USP42: variants seen among roughly 807,000 people sequenced by gnomAD.
The protein encoded by USP42 is ubiquitin specific peptidase 42.
In USP42, 23 loss-of-function variants were observed where a neutral mutation model predicts 113.0. The ratio of observed to expected loss-of-function variants is 0.20; its 90% CI spans 0.15 to 0.29. The LOEUF (loss-of-function observed/expected upper bound fraction) is 0.29. USP42 is among the 10% of genes least tolerant of loss of function. The probability of loss-of-function intolerance (pLI) is 1.00; values close to 1 mark genes in which losing one functional copy is unlikely to be tolerated. For synonymous variants in USP42, 933 were observed against 699.0 expected, an observed-to-expected ratio of 1.33 and a Z score of -5.28; for missense variants, 2,174 against 1,779.8, an observed-to-expected ratio of 1.22 and a Z score of -3.99.
intron 7 of USP42, among the ~76,000 whole-genome samples, chr7:6,142,709 C>A (rs766818114): frequency 2.0e-4 from 31 of 152,078 alleles, no homozygotes; most frequent in Non-Finnish European, 3.5e-4. Flanking sequence ...TATAGTGAGA[C>A]CCCTGTCTCT....
the USP42 span, among the ~76,000 whole-genome samples, chr7:6,099,469 C>A: frequency 4.0e-5 from 6 of 150,390 alleles, 1 homozygote; most frequent in African/African-American, 1.2e-4. Context: ...CCGCCTCGGC[C>A]TCCCAAAGTG....
intron 3 of USP42, 140 bp from the exon 4 acceptor site, chr7:6,135,701 T>C (rs914275752): frequency 1.9e-5 from 5 of 270,186 alleles, no homozygotes; most frequent in Admixed American, 6.3e-5. Context: ...TAAATGAAAA[T>C]GCATAAAAGT....
chr7:6,149,510 T>C (rs1279758763), intron 12 of USP42, 73 bp from the exon 13 acceptor site: 2 of 1,503,208 alleles, frequency 1.3e-6, no homozygotes, highest in African/African-American at 2.8e-5. Flanking sequence ...GAAGGACCCA[T>C]CAGCCAAAAT....
chr7:6,112,363 C>T (rs185892823), intron 2 of USP42, among the ~76,000 whole-genome samples: 1 of 151,890 alleles, frequency 6.6e-6, no homozygotes, highest in African/African-American at 2.4e-5. Context: ...GCAGGAGAAT[C>T]GCATGAACCT....
At position 6,153,967 on chromosome 7, in the gene USP42, G is replaced by A; in HGVS notation, c.2413G>A (p.Ala805Thr). Residue 805 changes from alanine to threonine, a missense_variant, in exon 15 of 18, where the codon GCC becomes ACC. Coordinates refer to ENST00000306177, the MANE Select transcript of USP42 (RefSeq NM_032172.3). ...AVAPEEPPPS[A>T]GEDIVGDTAP... Reference sequence around the variant, plus strand: ...CGCCCCCGAGGAGCCTCCGCCCAGCGCCGGCGAGGACATCGTGGGGGACAC... The same window carrying A: ...CGCCCCCGAGGAGCCTCCGCCCAGCACCGGCGAGGACATCGTGGGGGACAC... The A allele has an allele frequency of 1.9e-6, 3 of 1,595,722 alleles. No individual in the cohort carries two copies. The highest frequency in any genetic ancestry group is 2.6e-6 in the Non-Finnish European group (3 of 1,173,444).
intron 3 of USP42, among the ~76,000 whole-genome samples, chr7:6,133,963 T>C (rs1780993556): frequency 6.6e-6 from 1 of 150,500 alleles, no homozygotes; most frequent in African/African-American, 2.5e-5. Context: ...CCATCTCAGC[T>C]CACTGCAAGC....
intron 2 of USP42, among the ~76,000 whole-genome samples, chr7:6,112,935 G>A (rs1435384602): frequency 3.1e-5 from 4 of 128,846 alleles, no homozygotes; most frequent in Non-Finnish European, 4.6e-5. Flanking sequence ...ACAGAGTCTC[G>A]CTCTGTCGCC....
At position 6,150,005 on chromosome 7, in the gene USP42, G is replaced by A. The variant is rs763808328; in HGVS notation, c.1809G>A (p.Val603=). The A allele has an allele frequency of 1.1e-5, 18 of 1,613,426 alleles. No homozygotes were observed. The South Asian group carries it at 1.5e-4, about 14-fold the overall frequency. The change falls in exon 13 of 18, where the codon GTG becomes GTA. Residue 603 remains valine, a synonymous_variant. Coordinates refer to ENST00000306177, the MANE Select transcript of USP42 (RefSeq NM_032172.3). ...MNGKSKLNSS[V]LVPYGAESSE... is the part of the protein sequence containing the mutation. ...GCAAATCCAAGCTGAACTCCAGCGT[G>A]CTGGTGCCCTATGGCGCCGAGTCCT...
chr7:6,116,046 G>C (rs1374473872), intron 3 of USP42, among the ~76,000 whole-genome samples: 1 of 151,074 alleles, frequency 6.6e-6, no homozygotes, highest in African/African-American at 2.4e-5. Flanking sequence ...TGAGACTGCA[G>C]TGAGCTGTGA....
At chr7:6,086,510 G>A in the USP42 span, among the ~76,000 whole-genome samples, 14 of 150,652 alleles carry the variant, frequency 9.3e-5, no homozygotes, top group East Asian at 1.2e-3. Context: ...CAGCCTAGCC[G>A]GGCTAATTTT....
At chr7:6,138,360 G>C (rs967033654) in intron 4 of USP42, among the ~76,000 whole-genome samples, 5 of 152,160 alleles carry the variant, frequency 3.3e-5, no homozygotes, top group Non-Finnish European at 7.3e-5. Context: ...AGGTCATTGG[G>C]ATAGAATTAG....
At chr7:6,097,386 C>CTTTTT in the USP42 span, among the ~76,000 whole-genome samples, 2 of 108,444 alleles carry the variant, frequency 1.8e-5, no homozygotes, top group African/African-American at 3.7e-5. Context: ...CCTGTGGGTC[C>CTTTTT]TTTTTTTTTT....
At chr7:6,099,764 A>T in the USP42 span, among the ~76,000 whole-genome samples, 3 of 150,716 alleles carry the variant, frequency 2.0e-5, no homozygotes, top group African/African-American at 7.5e-5. Flanking sequence ...GGATTTCAAG[A>T]GCAGCCTTGC....
rs917510815 is a variant in USP42 at position 6,159,894 on chromosome 7, C to T, written c.*36+401C>T. Among the ~76,000 whole-genome samples the T allele has an allele frequency of 1.3e-5, 2 of 152,200 alleles. No homozygotes were observed. The highest frequency in any genetic ancestry group is 2.9e-5 in the Non-Finnish European group (2 of 68,032). On this transcript the variant is annotated intron_variant, in intron 17 of 17. Coordinates refer to ENST00000306177, the MANE Select transcript of USP42 (RefSeq NM_032172.3). This position sits in a 1 kb window ranked among gnomAD's most constrained non-coding sequence, Gnocchi z 4.1. ...GAGAGCGGAGCCTTGCTCCCTCGTC[C>T]GTCCCGTCCCCTGTGCTGCTGTCTG...
chr7:6,122,834 C>A (rs1016938932), intron 3 of USP42, among the ~76,000 whole-genome samples: 7 of 151,588 alleles, frequency 4.6e-5, no homozygotes, highest in African/African-American at 1.7e-4. Context: ...AAACTCCTGG[C>A]TTCAAGACAG....
At chr7:6,089,983 A>G in the USP42 span, among the ~76,000 whole-genome samples, 8 of 150,520 alleles carry the variant, frequency 5.3e-5, no homozygotes, top group Non-Finnish European at 1.2e-4. Flanking sequence ...CCTGGGCGAC[A>G]GAGCAAGACT....
chr7:6,114,628 G>A (rs1333126211), intron 2 of USP42, among the ~76,000 whole-genome samples: 1 of 130,066 alleles, frequency 7.7e-6, no homozygotes, highest in East Asian at 2.5e-4. Context: ...CATAAAATAC[G>A]TGTGTGTGTA....
At chr7:6,134,554 G>C (rs1235583776) in intron 3 of USP42, among the ~76,000 whole-genome samples, 65 of 152,106 alleles carry the variant, frequency 4.3e-4, no homozygotes, top group Admixed American at 4.3e-3. Flanking sequence ...CCTCAGCCTC[G>C]GTGCTGCCAA....
chr7:6,106,018 C>G (rs1410796306), intron 1 of USP42, among the ~76,000 whole-genome samples: 2 of 152,200 alleles, frequency 1.3e-5, no homozygotes, highest in Admixed American at 6.5e-5. Context: ...GGTGGCCTCT[C>G]AAAACGTTTC....
Sources: allele counts gnomAD v4.1 joint callset (sites outside exome capture counted in the v4.1 genomes callset), GRCh38; gene constraint gnomAD v4.1.1; non-coding constraint Gnocchi (gnomAD v3.1); transcripts MANE v1.5; gene names NCBI Gene and HGNC (gene_info 2026-07-23, HGNC 2026-07-21).